Variants in CTNNA2 observed in about 807,000 individuals in gnomAD.
CTNNA2 encodes catenin alpha 2.
CTNNA2 carries 42 observed loss-of-function variants against 101.0 expected under a neutral mutation model. The observed-to-expected ratio is 0.42, with a 90% CI of 0.32 to 0.54. The LOEUF is 0.54. Among genes scored for constraint, CTNNA2 ranks in the 20% least tolerant of loss-of-function variants. The probability of loss-of-function intolerance (pLI) is 0.14; values close to 1 mark genes in which losing one functional copy is unlikely to be tolerated. For missense variants in CTNNA2, 871 were observed against 1,223.1 expected (o/e 0.71, Z 4.29); for synonymous variants, 450 against 456.4 (o/e 0.99, Z 0.18).
intron 3 of CTNNA2, among the ~76,000 whole-genome samples, chr2:79,369,147 G>C (rs1327707063): frequency 6.6e-6 from 1 of 152,108 alleles, no homozygotes; most frequent in Admixed American, 6.6e-5. Context: ...CAATAAGGGA[G>C]TGGAGAAGGT....
intron 4 of CTNNA2, among the ~76,000 whole-genome samples, chr2:79,393,997 C>T (rs1243799518): frequency 6.6e-6 from 1 of 151,908 alleles, no homozygotes; most frequent in Non-Finnish European, 1.5e-5. Context: ...GACAGGAATC[C>T]CATTATCTGA....
At chr2:80,162,998 T>A (rs72926645) in intron 7 of CTNNA2, 87 of 1,553,302 alleles carry the variant, frequency 5.6e-5, no homozygotes, top group Non-Finnish European at 7.4e-5. Flanking sequence ...CTGATCTAAA[T>A]TGAATTTTGA....
chr2:80,130,732 T>A (rs570316054), intron 7 of CTNNA2, among the ~76,000 whole-genome samples: 6 of 152,080 alleles, frequency 3.9e-5, no homozygotes, highest in South Asian at 2.1e-4. Flanking sequence ...TTGAAGACTG[T>A]GTTTGTTATT....
intron 4 of CTNNA2, among the ~76,000 whole-genome samples, chr2:79,401,230 C>G (rs1259819199): frequency 6.6e-6 from 1 of 151,620 alleles, no homozygotes; most frequent in Non-Finnish European, 1.5e-5. Context: ...CAAAACATCT[C>G]ATGTACCCCA....
chr2:79,546,149 G>A (rs1673717631), intron 1 of CTNNA2, among the ~76,000 whole-genome samples: 1 of 152,092 alleles, frequency 6.6e-6, no homozygotes, highest in Non-Finnish European at 1.5e-5. Flanking sequence ...TACAGTGAGT[G>A]GTTTGTTTTT....
chr2:80,213,120 C>T (rs2149039270), intron 7 of CTNNA2, among the ~76,000 whole-genome samples: 1 of 152,082 alleles, frequency 6.6e-6, no homozygotes, highest in Middle Eastern at 3.4e-3. Flanking sequence ...CTTTATTTGT[C>T]TTGCTAGCGG....
chr2:79,776,345 G>A lies in CTNNA2; in HGVS notation c.298+31763G>A, dbSNP rs17261090. ...GATTCTTCTTGGCATGATAGTGTCT[G>A]GGTACCACCAAAGCAATATCCATGG... On this transcript the variant is annotated intron_variant, in intron 3 of 18. Transcript: ENST00000402739. Among the ~76,000 whole-genome samples, 801 of 152,176 alleles carry A rather than the reference G, an allele frequency of 5.3e-3. 4 individuals are homozygous for A. Among genetic ancestry groups the A allele is most frequent in the Non-Finnish European group, 8.8e-3 (596 of 67,996 alleles).
intron 18 of CTNNA2, 85 bp from the exon 19 acceptor site, chr2:80,647,500 T>G: frequency 8.6e-7 from 1 of 1,161,860 alleles, no homozygotes; most frequent in Non-Finnish European, 1.2e-6. Flanking sequence ...AGGAAAACAT[T>G]ATTTTAACCG....
At chr2:80,044,099 A>G (rs1447664717) in intron 7 of CTNNA2, among the ~76,000 whole-genome samples, 1 of 152,192 alleles carries the variant, frequency 6.6e-6, no homozygotes, top group Non-Finnish European at 1.5e-5. Flanking sequence ...AGGATTTCTG[A>G]CTCAATTTAA....
At chr2:80,031,144 ATATAAC>A (rs947608638) in intron 7 of CTNNA2, among the ~76,000 whole-genome samples, 2 of 152,194 alleles carry the variant, frequency 1.3e-5, no homozygotes, top group Non-Finnish European at 2.9e-5. Context: ...AATGATGTAT[ATATAAC>A]TATATTTATT....
intron 7 of CTNNA2, among the ~76,000 whole-genome samples, chr2:80,161,208 G>C (rs2862020): frequency 0.019 from 2,853 of 152,126 alleles, 92 homozygotes; most frequent in African/African-American, 0.064. Flanking sequence ...TAGAGACAGG[G>C]TTTCACCATG....
At chr2:79,806,617 A>G (rs890974671) in intron 3 of CTNNA2, among the ~76,000 whole-genome samples, 2 of 151,882 alleles carry the variant, frequency 1.3e-5, no homozygotes, top group Admixed American at 6.6e-5. Context: ...ACCTCCTCCC[A>G]TGTTCTCTGG....
intron 7 of CTNNA2, among the ~76,000 whole-genome samples, chr2:79,985,107 C>T (rs2103858936): frequency 1.3e-5 from 2 of 152,272 alleles, no homozygotes; most frequent in Middle Eastern, 3.4e-3. Flanking sequence ...TGATTGGGTT[C>T]AAACCCAAAG....
At chr2:79,633,911 A>C (rs970525479) in intron 1 of CTNNA2, 4 of 152,190 alleles carry the variant, frequency 2.6e-5, no homozygotes, top group Non-Finnish European at 5.9e-5. Context: ...TCCTTAAGGA[A>C]CCTCTCAAAT....
intron 9 of CTNNA2, among the ~76,000 whole-genome samples, chr2:80,494,949 A>G (rs938717998): frequency 5.3e-5 from 8 of 152,146 alleles, no homozygotes; most frequent in Middle Eastern, 6.3e-3. Flanking sequence ...AATTTCCCCT[A>G]GAGTGTCTCT....
intron 8 of CTNNA2, among the ~76,000 whole-genome samples, chr2:80,410,368 G>A (rs1679459671): frequency 6.6e-6 from 1 of 152,224 alleles, no homozygotes. Context: ...AGAAAATGCA[G>A]TTATTTACAT....
At chr2:79,269,630 A>G (rs1269041733) in intron 2 of CTNNA2, among the ~76,000 whole-genome samples, 1 of 152,160 alleles carries the variant, frequency 6.6e-6, no homozygotes, top group Non-Finnish European at 1.5e-5. Context: ...CACCTGGGTA[A>G]CTACCACTTT....
Position 80,473,190 on chromosome 2 carries a change from A to G in CTNNA2, c.1290+53589A>G, listed in dbSNP as rs1357286348. Among the ~76,000 whole-genome samples, 4 of 152,160 alleles carry G rather than the reference A, an allele frequency of 2.6e-5. No individual in the cohort carries two copies. The East Asian group carries it at 5.8e-4, about 22-fold the overall frequency. Reference sequence around the variant, plus strand: ...GGTGTGGACTGGTGATAATGACCCCAGACTCCCCAGGCCTCAGGCTCCTCA... The same window carrying G: ...GGTGTGGACTGGTGATAATGACCCCGGACTCCCCAGGCCTCAGGCTCCTCA... On this transcript the variant is annotated intron_variant, in intron 9 of 18. Coordinates refer to ENST00000402739, the MANE Select transcript of CTNNA2 (RefSeq NM_001282597.3).
intron 1 of CTNNA2, among the ~76,000 whole-genome samples, chr2:79,539,808 G>A (rs72921189): frequency 0.03 from 4,589 of 152,146 alleles, 238 homozygotes; most frequent in African/African-American, 0.11. Context: ...TGGAAATTAG[G>A]GGGGCTGTGC....
Sources: gnomAD v4.1 joint callset for allele counts (sites outside exome capture counted in the v4.1 genomes callset) on GRCh38, gnomAD v4.1.1 for gene constraint, MANE v1.5 for transcripts, NCBI Gene and HGNC (gene_info 2026-07-23, HGNC 2026-07-21) for gene names.